GIPC2: variants seen among roughly 807,000 people sequenced by gnomAD.
GIPC2 encodes the protein GIPC PDZ domain containing family member 2, also known as PDZ domain-containing protein GIPC2.
Under a neutral mutation model 30.6 loss-of-function variants are expected in GIPC2, and 30 were observed. That is an observed-to-expected ratio of 0.98 (90% CI 0.73 to 1.33). The LOEUF (loss-of-function observed/expected upper bound fraction) is 1.33. Ranked by LOEUF, GIPC2 falls within the 40% of genes most tolerant of loss-of-function variation. The pLI, the probability that GIPC2 is intolerant of heterozygous loss-of-function variation, is 0.00. For synonymous variants in GIPC2, 167 were observed against 150.0 expected (o/e 1.11, Z -0.83); for missense variants, 414 against 390.3 (o/e 1.06, Z -0.51).
intron 1 of GIPC2, among the ~76,000 whole-genome samples, chr1:78,073,104 C>G (rs79078029): frequency 1.7e-4 from 26 of 149,934 alleles, no homozygotes; most frequent in Non-Finnish European, 3.6e-4. Context: ...CCACCATGCC[C>G]GGCCTTTTTT....
rs138793126 is a variant in GIPC2, at chr1:78,135,687, G to A, written c.892G>A (p.Glu298Lys). ...TCTTGGAGACTTTGCGTTCCCAGACGAATTTGTCTTTGATGTTTGGGGAGT... is the reference window on the plus strand; with the variant it reads ...TCTTGGAGACTTTGCGTTCCCAGACAAATTTGTCTTTGATGTTTGGGGAGT... ...ETLGDFAFPD[E>K]FVFDVWGVIG... Residue 298 changes from glutamate to lysine, a missense_variant, in exon 6 of 6, where the codon GAA becomes AAA. Glu to Lys is a moderately conservative substitution (Grantham distance 56). Transcript: ENST00000370759. 70 of 1,613,282 alleles carry A rather than the reference G, an allele frequency of 4.3e-5. 1 individual carries two copies. Among genetic ancestry groups the A allele is most frequent in the South Asian group, 3.7e-4 (34 of 91,000 alleles).
At chr1:78,068,082 A>G (rs1661552864) in intron 1 of GIPC2, among the ~76,000 whole-genome samples, 2 of 152,188 alleles carry the variant, frequency 1.3e-5, no homozygotes, top group Admixed American at 6.5e-5. Context: ...AATACAATTT[A>G]TTCAGAATTG....
chr1:78,081,990 G>A (rs961548631), intron 2 of GIPC2, among the ~76,000 whole-genome samples: 1 of 152,048 alleles, frequency 6.6e-6, no homozygotes, highest in African/African-American at 2.4e-5. Context: ...CCCCTTCCCA[G>A]TCAATAATCT....
chr1:78,080,981 T>G (rs1186574975), intron 2 of GIPC2, 121 bp downstream of exon 2: 1 of 487,326 alleles, frequency 2.1e-6, no homozygotes, highest in Non-Finnish European at 3.6e-6. Flanking sequence ...GATGCATGAA[T>G]TGGTAATGTT....
At chr1:78,086,103 C>T (rs1486247530) in intron 2 of GIPC2, among the ~76,000 whole-genome samples, 1 of 152,060 alleles carries the variant, frequency 6.6e-6, no homozygotes, top group African/African-American at 2.4e-5. Context: ...ATCAGTGTCC[C>T]AGAGATTCTG....
chr1:78,060,845 G>A (rs1054850219), intron 1 of GIPC2, among the ~76,000 whole-genome samples: 1 of 151,370 alleles, frequency 6.6e-6, no homozygotes, highest in African/African-American at 2.4e-5. Flanking sequence ...AGATAGATAG[G>A]TAGATAGATA....
rs1321473938 is a variant in GIPC2, at chr1:78,136,178, C to T, written c.*435C>T. 1 of 153,916 alleles carries T rather than the reference C, an allele frequency of 6.5e-6. No homozygotes were observed. Among genetic ancestry groups the T allele is most frequent in the African/African-American group, 2.4e-5 (1 of 41,314 alleles). The allele number at this position is 153,916 out of a possible 1,614,324, so 9.5% of individuals were successfully genotyped here. ...CTTCACTGTGTTATCCTAGTTTGAA[C>T]AGGATATGTTCAGGAAATGAAAGGT... On this transcript the variant is annotated 3_prime_UTR_variant, in exon 6 of 6. Transcript: ENST00000370759.
chr1:78,128,232 G>A (rs1662819209), intron 5 of GIPC2, among the ~76,000 whole-genome samples: 1 of 152,122 alleles, frequency 6.6e-6, no homozygotes, highest in African/African-American at 2.4e-5. Flanking sequence ...GGGTCTACTT[G>A]TGTTACCTAA....
At chr1:78,092,602 G>A (rs996517303) in intron 2 of GIPC2, among the ~76,000 whole-genome samples, 1 of 152,176 alleles carries the variant, frequency 6.6e-6, no homozygotes, top group Non-Finnish European at 1.5e-5. Context: ...TCAGAAACTT[G>A]TCTCCATTGC....
At chr1:78,109,885 T>C (rs1246838574) in intron 3 of GIPC2, among the ~76,000 whole-genome samples, 1 of 152,190 alleles carries the variant, frequency 6.6e-6, no homozygotes, top group Non-Finnish European at 1.5e-5. Context: ...ATGTCCTTTG[T>C]AGGGACGTGG....
intron 3 of GIPC2, among the ~76,000 whole-genome samples, chr1:78,096,492 T>G (rs1191546181): frequency 1.6e-5 from 2 of 128,164 alleles, no homozygotes; most frequent in African/African-American, 3.5e-5. Flanking sequence ...AATTTTTCTG[T>G]TTTTTTTTTT....
intron 1 of GIPC2, among the ~76,000 whole-genome samples, chr1:78,067,615 G>A (rs1379721966): frequency 2.0e-5 from 3 of 151,962 alleles, no homozygotes; most frequent in Non-Finnish European, 4.4e-5. Flanking sequence ...ACCATGCCCG[G>A]CTAATTTTTG....
chr1:78,129,296 G>T (rs1662844949), intron 5 of GIPC2, among the ~76,000 whole-genome samples: 1 of 152,100 alleles, frequency 6.6e-6, no homozygotes, highest in African/African-American at 2.4e-5. Context: ...TCATTATTCA[G>T]ATCTGATTAG....
At position 78,080,735 on chromosome 1, in the gene GIPC2, C is replaced by T; in HGVS notation, c.301C>T (p.Leu101=). 2 of 1,608,164 alleles carry T rather than the reference C, an allele frequency of 1.2e-6. No homozygotes were observed. Among genetic ancestry groups the T allele is most frequent in the Non-Finnish European group, 1.7e-6 (2 of 1,174,812 alleles). The change falls in exon 2 of 6, where the codon CTA becomes TTA. Residue 101 remains leucine (L), a synonymous_variant. Transcript: ENST00000370759. ...IDMERLLGGQ[L]GLEDFIFAHV... ...CATGGAAAGACTCTTAGGAGGACAA[C>T]TAGGACTAGAAGATTTCATATTTGC...
intron 3 of GIPC2, among the ~76,000 whole-genome samples, chr1:78,102,641 T>C (rs1662269935): frequency 6.6e-6 from 1 of 152,260 alleles, no homozygotes. Context: ...ATTTAACCTT[T>C]CTGTGCCTTG....
rs574307549 is a variant in GIPC2, at chr1:78,075,650, C to T, written c.241-5025C>T. Among the ~76,000 whole-genome samples, 19 of 152,284 alleles carry T rather than the reference C, an allele frequency of 1.2e-4. No homozygotes were observed. The South Asian group carries it at 3.5e-3, about 28-fold the overall frequency. On this transcript the variant is annotated intron_variant, in intron 1 of 5. Transcript: ENST00000370759. ...GGCAAAATACAGAGGAAGAAAGGGA[C>T]TGTCTCTTTCTGTGTTTCTTTATTA...
chr1:78,046,151 G>A lies in GIPC2; in HGVS notation c.57G>A (p.Leu19=), dbSNP rs1329496269. ...KKAKSKETAG[L]VEGEPTGAGG... ...CCAAGTCCAAGGAGACCGCCGGGCTGGTGGAGGGCGAGCCGACGGGCGCGG... is the reference window on the plus strand; with the variant it reads ...CCAAGTCCAAGGAGACCGCCGGGCTAGTGGAGGGCGAGCCGACGGGCGCGG... The change falls in exon 1 of 6, where the codon CTG becomes CTA. Residue 19 remains leucine, a synonymous_variant. Transcript: ENST00000370759. The A allele has an allele frequency of 6.5e-6, 10 of 1,547,470 alleles. No homozygotes were observed. Among genetic ancestry groups the A allele is most frequent in the South Asian group, 1.2e-5 (1 of 83,700 alleles).
At chr1:78,114,439 A>G (rs1279211847) in intron 3 of GIPC2, among the ~76,000 whole-genome samples, 1 of 152,196 alleles carries the variant, frequency 6.6e-6, no homozygotes, top group Non-Finnish European at 1.5e-5. Flanking sequence ...GATGAACAGG[A>G]CCATCCTGCT....
In GIPC2 at chr1:78,095,125, G is replaced by A; in HGVS notation, c.600G>A (p.Lys200=). The A allele has an allele frequency of 5.0e-6, 8 of 1,610,230 alleles. No individual in the cohort carries two copies. Among genetic ancestry groups the A allele is most frequent in the Non-Finnish European group, 6.8e-6 (8 of 1,177,030 alleles). The change falls in exon 3 of 6, where the codon AAG becomes AAA. Residue 200 remains lysine (K), a synonymous_variant. Transcript: ENST00000370759. ...LFTMKLIEPK[K]AFEIELRSKA... Reference sequence around the variant, plus strand: ...CTATGAAGTTAATAGAACCTAAGAAGGCATTTGGTAAGTCAGGGGTTGGTG... The same window carrying A: ...CTATGAAGTTAATAGAACCTAAGAAAGCATTTGGTAAGTCAGGGGTTGGTG...
Sources: allele counts gnomAD v4.1 joint callset (sites outside exome capture counted in the v4.1 genomes callset), GRCh38; gene constraint gnomAD v4.1.1; transcripts MANE v1.5; gene names NCBI Gene and HGNC (gene_info 2026-07-23, HGNC 2026-07-21).